Variants in OSBPL11 observed in about 807,000 individuals in gnomAD.
The protein encoded by OSBPL11 is oxysterol binding protein like 11.
OSBPL11 carries 33 observed loss-of-function variants against 84.4 expected under a neutral mutation model. The ratio of observed to expected loss-of-function variants is 0.39; its 90% CI spans 0.30 to 0.52. The LOEUF (loss-of-function observed/expected upper bound fraction) is 0.52. Among genes scored for constraint, OSBPL11 ranks in the 20% least tolerant of loss-of-function variants. The pLI is 0.72. For missense variants in OSBPL11, 736 were observed against 901.1 expected (o/e 0.82, Z 2.35); for synonymous variants, 276 against 310.2 (o/e 0.89, Z 1.16).
intron 7 of OSBPL11, among the ~76,000 whole-genome samples, chr3:125,563,436 A>C (rs568080408): frequency 6.6e-6 from 1 of 152,316 alleles, no homozygotes; most frequent in South Asian, 2.1e-4. Flanking sequence ...AGAAAAACAT[A>C]AATTTCAATT....
At chr3:125,572,878 T>A (rs1033212891) in intron 5 of OSBPL11, among the ~76,000 whole-genome samples, 17 of 146,296 alleles carry the variant, frequency 1.2e-4, no homozygotes, top group South Asian at 2.1e-4. Flanking sequence ...TATATATATT[T>A]TATATATATA....
Position 125,580,010 on chromosome 3 carries a change from C to G in OSBPL11, c.264G>C (p.Leu88=). The change falls in exon 3 of 13, where the codon CTG becomes CTC. Residue 88 remains leucine (L), a synonymous_variant. Transcript: ENST00000296220. The part of the protein sequence containing the change: ...RFFVLNNEAG[L]LEYFVNEQSR... ...ACTGTTCATTCACAAAGTACTCCAACAGCCCAGCTTCATTGTTTAAAACAA... is the reference window on the plus strand; with the variant it reads ...ACTGTTCATTCACAAAGTACTCCAAGAGCCCAGCTTCATTGTTTAAAACAA... The G allele has an allele frequency of 6.2e-7, 1 of 1,613,538 alleles. No homozygotes were observed. Among genetic ancestry groups the G allele is most frequent in the Non-Finnish European group, 8.5e-7 (1 of 1,179,858 alleles).
At chr3:125,548,250 A>G (rs1935849294) in intron 9 of OSBPL11, among the ~76,000 whole-genome samples, 1 of 152,224 alleles carries the variant, frequency 6.6e-6, no homozygotes, top group African/African-American at 2.4e-5. Context: ...TTTTATCATT[A>G]GTATGAATAA....
chr3:125,546,288 C>A (rs1206748437), intron 10 of OSBPL11, among the ~76,000 whole-genome samples: 2 of 151,374 alleles, frequency 1.3e-5, no homozygotes, highest in African/African-American at 4.9e-5. Context: ...ATTCTCCTGC[C>A]TCAGCCTCCT....
At chr3:125,591,049 G>A (rs1279692837) in intron 1 of OSBPL11, among the ~76,000 whole-genome samples, 1 of 152,174 alleles carries the variant, frequency 6.6e-6, no homozygotes, top group Non-Finnish European at 1.5e-5. Context: ...AGGATTAAAT[G>A]TGATAACAGA....
chr3:125,542,132 T>C (rs955633054), intron 10 of OSBPL11, among the ~76,000 whole-genome samples: 33 of 152,184 alleles, frequency 2.2e-4, no homozygotes, highest in African/African-American at 8.0e-4. Context: ...CCGATTCAAA[T>C]CTGTCATTCT....
At chr3:125,566,184 T>G (rs1205515781) in intron 6 of OSBPL11, among the ~76,000 whole-genome samples, 1 of 152,040 alleles carries the variant, frequency 6.6e-6, no homozygotes, top group African/African-American at 2.4e-5. Context: ...TTTTGTACTT[T>G]TAGTAGAGAT....
Position 125,594,810 on chromosome 3 carries a change from A to C in OSBPL11, c.-10T>G. The C allele has an allele frequency of 1.9e-6, 3 of 1,612,606 alleles. No homozygotes were observed. Among genetic ancestry groups the C allele is most frequent in the Non-Finnish European group, 2.5e-6 (3 of 1,179,080 alleles). ...GTTCACCCCCCTGCATCTTAACGCC[A>C]AAGTCCACTTGCCCTTCTTGAGCGG... is the stretch of plus-strand genomic sequence containing the variant. On this transcript the variant is annotated 5_prime_UTR_variant, in exon 1 of 13. Coordinates refer to ENST00000296220, the MANE Select transcript of OSBPL11 (RefSeq NM_022776.5).
Position 125,562,868 on chromosome 3 carries a change from G to T in OSBPL11, c.1014+830C>A, listed in dbSNP as rs144238604. ...TGGAACCCCGGAGGCGGAGGTTGCGGTGAGCTGAGATTGTGCCATTGCACT... is the reference window on the plus strand; with the variant it reads ...TGGAACCCCGGAGGCGGAGGTTGCGTTGAGCTGAGATTGTGCCATTGCACT... On this transcript the variant is annotated intron_variant, in intron 7 of 12. Coordinates refer to ENST00000296220, the MANE Select transcript of OSBPL11 (RefSeq NM_022776.5). Among the ~76,000 whole-genome samples, 232 of 152,240 alleles carry T rather than the reference G, an allele frequency of 1.5e-3. 4 individuals are homozygous for T. The East Asian group carries it at 0.039, about 26-fold the overall frequency.
At chr3:125,559,734 A>G (rs1039761576) in intron 8 of OSBPL11, among the ~76,000 whole-genome samples, 1 of 151,732 alleles carries the variant, frequency 6.6e-6, no homozygotes, top group Non-Finnish European at 1.5e-5. Context: ...TTGGGGTTTC[A>G]CCACGTTGGT....
At position 125,567,425 on chromosome 3, in the gene OSBPL11, A is replaced by G. The variant is rs1482035380; in HGVS notation, c.837T>C (p.His279=). The change falls in exon 6 of 13, where the codon CAT becomes CAC. Residue 279 remains histidine, a synonymous_variant. Coordinates refer to ENST00000296220, the MANE Select transcript of OSBPL11 (RefSeq NM_022776.5). The part of the protein sequence containing the change: ...NDCFHILQLQ[H]ASHQKGSLPS... ...GCAATGAGCCCTTCTGATGTGATGC[A>G]TGCTGTAACTGGAGAATATGAAAGC... is the stretch of plus-strand genomic sequence containing the variant. 1 of 1,614,162 alleles carries G rather than the reference A, an allele frequency of 6.2e-7. No homozygotes were observed. The highest frequency in any genetic ancestry group is 1.1e-5 in the South Asian group (1 of 91,084).
intron 5 of OSBPL11, 131 bp from the exon 6 acceptor site, chr3:125,567,726 C>T (rs1161098794): frequency 2.8e-6 from 2 of 712,314 alleles, no homozygotes; most frequent in Non-Finnish European, 4.6e-6. Flanking sequence ...GGCATGGTGG[C>T]TCACACCTAT....
At chr3:125,562,493 T>C (rs1056764228) in intron 7 of OSBPL11, among the ~76,000 whole-genome samples, 1 of 152,210 alleles carries the variant, frequency 6.6e-6, no homozygotes, top group Non-Finnish European at 1.5e-5. Context: ...GCCAAAACTT[T>C]TGCCAACTTT....
chr3:125,551,488 G>A (rs1270694758), intron 9 of OSBPL11, among the ~76,000 whole-genome samples: 1 of 151,828 alleles, frequency 6.6e-6, no homozygotes, highest in Non-Finnish European at 1.5e-5. Context: ...ATTTAAAATC[G>A]CCAGGCACGG....
intron 1 of OSBPL11, among the ~76,000 whole-genome samples, chr3:125,591,481 C>G (rs1936593859): frequency 6.6e-6 from 1 of 152,094 alleles, no homozygotes; most frequent in Admixed American, 6.6e-5. Flanking sequence ...GTGAAGAAGC[C>G]CATGTGGCCA....
chr3:125,547,380 CTAGA>C (rs1213982988), intron 10 of OSBPL11, 22 bp downstream of exon 10: 1 of 1,587,542 alleles, frequency 6.3e-7, no homozygotes, highest in Non-Finnish European at 8.6e-7. Context: ...AGAATAAGAA[CTAGA>C]TAATCATTAA....
intron 1 of OSBPL11, among the ~76,000 whole-genome samples, chr3:125,586,327 C>T (rs767126350): frequency 6.6e-6 from 1 of 152,088 alleles, no homozygotes; most frequent in East Asian, 1.9e-4. Flanking sequence ...GGGTATATTT[C>T]TAATCTTTTA....
At chr3:125,543,665 C>T (rs1159380607) in intron 10 of OSBPL11, among the ~76,000 whole-genome samples, 2 of 152,062 alleles carry the variant, frequency 1.3e-5, no homozygotes, top group Non-Finnish European at 2.9e-5. Context: ...CTTTGAGAGG[C>T]CAAGGTGGGC....
Position 125,532,494 on chromosome 3 carries a change from G to A in OSBPL11, c.2025-480C>T, listed in dbSNP as rs536892936. ...ATCCTTGAGAAAGGAAACAAATGAG[G>A]GGAGTCCTATGAGTGCTCTAACTCG... On this transcript the variant is annotated intron_variant, in intron 11 of 12. Coordinates refer to ENST00000296220, the MANE Select transcript of OSBPL11 (RefSeq NM_022776.5). Among the ~76,000 whole-genome samples the A allele has an allele frequency of 8.6e-5, 13 of 151,810 alleles. No individual in the cohort carries two copies. The South Asian group carries it at 2.7e-3, about 32-fold the overall frequency.
Sources: allele counts gnomAD v4.1 joint callset (sites outside exome capture counted in the v4.1 genomes callset), GRCh38; gene constraint gnomAD v4.1.1; transcripts MANE v1.5; gene names NCBI Gene and HGNC (gene_info 2026-07-23, HGNC 2026-07-21).